USP34: variants seen among roughly 807,000 people sequenced by gnomAD.
The protein encoded by USP34 is ubiquitin specific peptidase 34, also known as ubiquitin carboxyl-terminal hydrolase 34.
A neutral mutation model predicts 460.3 loss-of-function variants in USP34; 70 were observed. The observed-to-expected ratio is 0.15, with a 90% CI of 0.13 to 0.19. The LOEUF is 0.19. Among genes scored for constraint, USP34 ranks in the 10% least tolerant of loss-of-function variants. The probability of loss-of-function intolerance (pLI) is 1.00; values close to 1 mark genes in which losing one functional copy is unlikely to be tolerated. For missense variants in USP34, 3,985 were observed against 4,236.2 expected (o/e 0.94, Z 1.65); for synonymous variants, 1,647 against 1,405.3 (o/e 1.17, Z -3.85).
At chr2:61,432,059 G>A (rs1374445356) in intron 1 of USP34, among the ~76,000 whole-genome samples, 1 of 151,860 alleles carries the variant, frequency 6.6e-6, no homozygotes, top group Admixed American at 6.6e-5. Context: ...AACAGACCAT[G>A]GCCAGGGGTA....
chr2:61,193,119 A>G lies in USP34; in HGVS notation c.9509-139T>C, dbSNP rs1209324000. On this transcript the variant is annotated intron_variant, in intron 75 of 79. Transcript: ENST00000398571. ...ATATTTTAAAGTACATAAAGGGGAA[A>G]AATTCATTCCAATGTTTAGTGAAAT... 27 of 648,016 alleles carry G rather than the reference A, an allele frequency of 4.2e-5. No homozygotes were observed. In the South Asian group the frequency reaches 5.1e-4, roughly 12 times the overall value. The allele number at this position is 648,016 out of a possible 1,614,324, so 40.1% of individuals were successfully genotyped here. A position where few individuals can be genotyped will look rare whatever the true frequency, so the allele number is the denominator to read the frequency against.
In USP34 at chr2:61,236,200, T is replaced by C. The variant is rs1001159339; in HGVS notation, c.6879A>G (p.Thr2293=). The stretch of plus-strand genomic sequence containing the variant: ...AGGACACAGCTTTAGGATCTGGTAA[T>C]GTACTGGGAATACAACTACACAATT... ...MWQLCSCIPS[T]LPDPKAVSLM... Residue 2293 remains threonine (T), a synonymous_variant, in exon 55 of 80, where the codon ACA becomes ACG. Transcript: ENST00000398571. The C allele has an allele frequency of 6.2e-7, 1 of 1,612,304 alleles. No individual in the cohort carries two copies.
At chr2:61,289,380 A>T (rs944856615) in intron 33 of USP34, among the ~76,000 whole-genome samples, 2 of 152,132 alleles carry the variant, frequency 1.3e-5, no homozygotes, top group African/African-American at 4.8e-5. Context: ...TTCCATAACC[A>T]CATTAAAAAT....
chr2:61,236,502 C>A, intron 53 of USP34, 113 bp from the exon 54 acceptor site: 1 of 752,342 alleles, frequency 1.3e-6, no homozygotes, highest in East Asian at 2.8e-5. Context: ...AAAATAAAAT[C>A]CATGCACTTT....
intron 2 of USP34, among the ~76,000 whole-genome samples, chr2:61,417,719 CTTT>C (rs201901250): frequency 1.5e-5 from 2 of 130,774 alleles, no homozygotes; most frequent in South Asian, 2.2e-4. Context: ...ATACTAAAAT[CTTT>C]TTTTTTTTCT....
At chr2:61,455,774 T>C (rs1695419404) in intron 1 of USP34, among the ~76,000 whole-genome samples, 1 of 152,250 alleles carries the variant, frequency 6.6e-6, no homozygotes, top group Non-Finnish European at 1.5e-5. Flanking sequence ...GCATATTTCT[T>C]ATGCTAGCAC....
At chr2:61,196,307 G>A (rs1686807737) in intron 75 of USP34, among the ~76,000 whole-genome samples, 1 of 149,890 alleles carries the variant, frequency 6.7e-6, no homozygotes, top group African/African-American at 2.5e-5. Context: ...AGCCAGGATA[G>A]TCTCGATCTC....
At chr2:61,322,029 G>A (rs1690939076) in intron 21 of USP34, among the ~76,000 whole-genome samples, 2 of 152,140 alleles carry the variant, frequency 1.3e-5, no homozygotes, top group East Asian at 1.9e-4. Flanking sequence ...GGGAGTTCGA[G>A]ACCAGCCTGA....
At chr2:61,450,883 A>G (rs1695250515) in intron 1 of USP34, among the ~76,000 whole-genome samples, 1 of 102,332 alleles carries the variant, frequency 9.8e-6, no homozygotes, top group Admixed American at 9.9e-5. Flanking sequence ...AACGGAGGAG[A>G]TGCAAAAAAA....
intron 6 of USP34, 27 bp downstream of exon 6, chr2:61,383,242 G>A (rs752060734): frequency 5.3e-6 from 8 of 1,511,308 alleles, no homozygotes; most frequent in Middle Eastern, 1.8e-4. Context: ...ACTGATAATC[G>A]GGGGTAAAGA....
intron 41 of USP34, among the ~76,000 whole-genome samples, chr2:61,277,344 C>G (rs555483260): frequency 8.2e-4 from 125 of 151,740 alleles, no homozygotes; most frequent in Non-Finnish European, 1.4e-3. Flanking sequence ...TCAAGCAATC[C>G]TCCCACCTCA....
chr2:61,328,404 T>TC (rs558504557), intron 20 of USP34, among the ~76,000 whole-genome samples: 32 of 151,920 alleles, frequency 2.1e-4, no homozygotes, highest in African/African-American at 7.3e-4. Context: ...AAGAATCTTT[T>TC]TCCCCCCTCG....
At chr2:61,200,957 T>C (rs574630294) in intron 75 of USP34, among the ~76,000 whole-genome samples, 19 of 152,144 alleles carry the variant, frequency 1.2e-4, no homozygotes, top group African/African-American at 2.6e-4. Flanking sequence ...CCTAAGAACT[T>C]TGTATCTAAG....
At chr2:61,278,783 TA>T (rs11404093) in intron 39 of USP34, among the ~76,000 whole-genome samples, 109 of 149,022 alleles carry the variant, frequency 7.3e-4, no homozygotes, top group African/African-American at 1.1e-3. Flanking sequence ...TAAAGTATAA[TA>T]AAAAAAAAAG....
At chr2:61,434,205 C>G (rs564513503) in intron 1 of USP34, among the ~76,000 whole-genome samples, 3 of 152,182 alleles carry the variant, frequency 2.0e-5, no homozygotes, top group Non-Finnish European at 4.4e-5. Context: ...TCTGGCCTCC[C>G]GAACAGCCCT....
chr2:61,235,328 CT>C (rs10537200), intron 57 of USP34, among the ~76,000 whole-genome samples: 51,939 of 122,914 alleles, frequency 0.42, 9,383 homozygotes, highest in African/African-American at 0.48. Flanking sequence ...ATTTTTTTTT[CT>C]TTTTTTTTTT....
At chr2:61,229,053 G>T in intron 59 of USP34, 58 bp from the exon 60 acceptor site, 2 of 1,319,758 alleles carry the variant, frequency 1.5e-6, no homozygotes, top group South Asian at 2.2e-5. Context: ...TACTGTTCGA[G>T]AGAAAAAGTA....
chr2:61,355,341 G>A (rs1476453728), intron 10 of USP34, among the ~76,000 whole-genome samples: 1 of 152,174 alleles, frequency 6.6e-6, no homozygotes, highest in East Asian at 1.9e-4. Context: ...ATTTCAGTTT[G>A]TAACTCCACT....
chr2:61,346,400 C>T (rs1203751772), intron 15 of USP34: 4 of 150,700 alleles, frequency 2.7e-5, no homozygotes, highest in Admixed American at 2.0e-4. Context: ...GCAACACACA[C>T]CTTAAGTCTC....
Sources: gnomAD v4.1 joint callset for allele counts (sites outside exome capture counted in the v4.1 genomes callset) on GRCh38, gnomAD v4.1.1 for gene constraint, MANE v1.5 for transcripts, NCBI Gene and HGNC (gene_info 2026-07-23, HGNC 2026-07-21) for gene names.